MKLN1: variants seen among roughly 807,000 people sequenced by gnomAD.
MKLN1 encodes the protein muskelin 1.
A neutral mutation model predicts 99.0 loss-of-function variants in MKLN1; 18 were observed. The observed-to-expected ratio is 0.18, with a 90% confidence interval of 0.13 to 0.27. The LOEUF (loss-of-function observed/expected upper bound fraction) is 0.27, where lower values mean the gene tolerates loss of function less well. Among genes scored for constraint, MKLN1 ranks in the 10% least tolerant of loss-of-function variants. MKLN1 has a pLI of 1.00. For synonymous variants in MKLN1, 288 were observed against 293.2 expected, an observed-to-expected ratio of 0.98 and a Z score of 0.18; for missense variants, 621 against 875.9, an observed-to-expected ratio of 0.71 and a Z score of 3.67.
At chr7:131,434,006 CCCGAGTAGCTGAGACTACA>C (rs1254862528) in intron 9 of MKLN1, among the ~76,000 whole-genome samples, 3 of 151,768 alleles carry the variant, frequency 2.0e-5, no homozygotes, top group Admixed American at 6.6e-5. Flanking sequence ...ACCTCAGCCT[CCCGAGTAGCTGAGACTACA>C]CCGAGTAGCT....
intron 2 of MKLN1, among the ~76,000 whole-genome samples, chr7:131,163,803 C>T (rs765056057): frequency 7.2e-5 from 11 of 152,086 alleles, no homozygotes; most frequent in East Asian, 1.9e-4. Flanking sequence ...TTAATGCTAA[C>T]GATTACTAGT....
chr7:131,470,826 T>C lies in MKLN1; in HGVS notation c.1929-16T>C, dbSNP rs543947930. The C allele has an allele frequency of 4.7e-6, 7 of 1,476,538 alleles. No individual in the cohort carries two copies. The East Asian group carries it at 6.8e-5, about 14-fold the overall frequency. The allele number at this position is 1,476,538 out of a possible 1,614,324, so 91.5% of individuals were successfully genotyped here. A position where few individuals can be genotyped will look rare whatever the true frequency, so the allele number is the denominator to read the frequency against. On this transcript the variant is annotated splice_polypyrimidine_tract_variant and intron_variant, in intron 15 of 17. Transcript: ENST00000352689. ...TCTCATAACTCCAGATAATTATCCTTGTGTACATTTTCTAGGTTTGAAGAA... is the reference window on the plus strand; with the variant it reads ...TCTCATAACTCCAGATAATTATCCTCGTGTACATTTTCTAGGTTTGAAGAA...
intron 3 of MKLN1, among the ~76,000 whole-genome samples, chr7:131,223,582 T>C (rs552528131): frequency 6.6e-6 from 1 of 152,256 alleles, no homozygotes; most frequent in East Asian, 1.9e-4. Flanking sequence ...TCCTGTCAGC[T>C]TGCCGCTCTT....
At chr7:131,358,926 TAG>T (rs1799952710) in intron 1 of MKLN1, among the ~76,000 whole-genome samples, 1 of 152,150 alleles carries the variant, frequency 6.6e-6, no homozygotes, top group Non-Finnish European at 1.5e-5. Flanking sequence ...TTAGCCTAGC[TAG>T]AGTTTTGTCA....
chr7:131,139,908 T>C (rs556936311), intron 1 of MKLN1, among the ~76,000 whole-genome samples: 2 of 152,294 alleles, frequency 1.3e-5, no homozygotes, highest in African/African-American at 4.8e-5. Flanking sequence ...TTCAAGAGCA[T>C]TGGCAGGAGG....
intron 6 of MKLN1, among the ~76,000 whole-genome samples, chr7:131,405,821 G>A (rs557103208): frequency 1.2e-3 from 179 of 152,150 alleles, no homozygotes; most frequent in Non-Finnish European, 2.3e-3. Flanking sequence ...AATTTAATGA[G>A]ACTTGCTATA....
chr7:131,308,808 C>T lies in MKLN1; in HGVS notation c.-178-66616C>T, dbSNP rs1584904741. Among the ~76,000 whole-genome samples, 3 of 150,654 alleles carry T rather than the reference C, an allele frequency of 2.0e-5. No homozygotes were observed. The East Asian group carries it at 6.0e-4, about 30-fold the overall frequency. ...CCATGTTAGTCAAGCTGGCTGCCAA[C>T]TCCCAACCTCAGGTGATCCACCCAC... On this transcript the variant is annotated intron_variant, in intron 3 of 7. Coordinates refer to the MKLN1 transcript ENST00000416992.
chr7:131,325,904 G>A (rs576475385), upstream of MKLN1, among the ~76,000 whole-genome samples: 2 of 149,520 alleles, frequency 1.3e-5, no homozygotes, highest in Non-Finnish European at 3.0e-5. Flanking sequence ...GAAAAGTGGG[G>A]GGGGGGTGGT....
At chr7:131,266,015 A>T (rs1304720264) in intron 3 of MKLN1, among the ~76,000 whole-genome samples, 12 of 152,038 alleles carry the variant, frequency 7.9e-5, no homozygotes. Flanking sequence ...CTCTACTAAC[A>T]ACACAAAAAT....
upstream of MKLN1, among the ~76,000 whole-genome samples, chr7:131,325,439 C>G (rs1798864940): frequency 6.6e-6 from 1 of 152,066 alleles, no homozygotes; most frequent in African/African-American, 2.4e-5. Flanking sequence ...ACCTGTAATC[C>G]CAGCACTTTG....
rs1261186860 is a variant in MKLN1 at position 131,302,963 on chromosome 7, C to T, written c.-178-72461C>T. 2.0e-5 allele frequency among the ~76,000 whole-genome samples: 3 copies of T among 152,130 alleles called. No individual in the cohort carries two copies. In the East Asian group the frequency reaches 5.8e-4, roughly 29 times the overall value. On this transcript the variant is annotated intron_variant, in intron 3 of 7. Transcript: ENST00000416992. ...CGTTTGTGTGGTACCAAACTGTGCGCTGGGGTCTCTAGATTTATGCTTGTG... is the reference window on the plus strand; with the variant it reads ...CGTTTGTGTGGTACCAAACTGTGCGTTGGGGTCTCTAGATTTATGCTTGTG...
At chr7:131,148,959 T>C (rs183720819) in intron 2 of MKLN1, among the ~76,000 whole-genome samples, 1 of 152,324 alleles carries the variant, frequency 6.6e-6, no homozygotes, top group African/African-American at 2.4e-5. Context: ...ATCGAAGATA[T>C]TGTGTCTTTA....
rs556307345 is a variant in MKLN1, at chr7:131,415,982, G to C, written c.847+1272G>C. Reference sequence around the variant, plus strand: ...CTGCCCAACCTTTTTTTAAAATAGAGATGAGGTTTTGCCATGTTGCCCAGG... The same window carrying C: ...CTGCCCAACCTTTTTTTAAAATAGACATGAGGTTTTGCCATGTTGCCCAGG... On this transcript the variant is annotated intron_variant, in intron 8 of 17. Coordinates refer to ENST00000352689, the MANE Select transcript of MKLN1 (RefSeq NM_013255.5). Among the ~76,000 whole-genome samples, 8 of 152,114 alleles carry C rather than the reference G, an allele frequency of 5.3e-5. No individual in the cohort carries two copies. The South Asian group carries it at 1.7e-3, about 32-fold the overall frequency.
At chr7:131,329,155 G>C (rs914864769) in intron 1 of MKLN1, among the ~76,000 whole-genome samples, 5 of 152,196 alleles carry the variant, frequency 3.3e-5, no homozygotes, top group Admixed American at 6.5e-5. Flanking sequence ...CTGTATTTGA[G>C]AAATTCTTCA....
At chr7:131,277,335 G>A (rs951143342) in intron 3 of MKLN1, among the ~76,000 whole-genome samples, 2 of 151,554 alleles carry the variant, frequency 1.3e-5, no homozygotes, top group Admixed American at 1.3e-4. Flanking sequence ...CCAGGCTGGA[G>A]TTCAATGGCA....
intron 9 of MKLN1, among the ~76,000 whole-genome samples, chr7:131,436,168 A>G (rs1035277227): frequency 2.6e-5 from 4 of 152,212 alleles, no homozygotes. Flanking sequence ...TGTGAATATT[A>G]AAGTGTACAT....
At chr7:131,328,163 C>T in intron 1 of MKLN1, 166 bp downstream of exon 1, 1 of 872,332 alleles carries the variant, frequency 1.1e-6, no homozygotes, top group Non-Finnish European at 1.7e-6. Flanking sequence ...GTTGCTCGGC[C>T]TCGCTCGGGA....
At chr7:131,248,971 T>C (rs940281504) in intron 3 of MKLN1, among the ~76,000 whole-genome samples, 1 of 152,192 alleles carries the variant, frequency 6.6e-6, no homozygotes, top group Non-Finnish European at 1.5e-5. Flanking sequence ...CCTCACCTTC[T>C]CCCACCCCAA....
chr7:131,211,544 T>A (rs950930478), intron 3 of MKLN1, among the ~76,000 whole-genome samples: 2 of 152,010 alleles, frequency 1.3e-5, no homozygotes, highest in African/African-American at 4.8e-5. Context: ...ATGCTTGGGG[T>A]TTTTGCCCCT....
Sources: gnomAD v4.1 joint callset for allele counts (sites outside exome capture counted in the v4.1 genomes callset) on GRCh38, gnomAD v4.1.1 for gene constraint, MANE v1.5 for transcripts, NCBI Gene and HGNC (gene_info 2026-07-23, HGNC 2026-07-21) for gene names.